Variants in ASTN2 observed in about 807,000 individuals in gnomAD.
ASTN2 encodes astrotactin 2.
A neutral mutation model predicts 139.8 loss-of-function variants in ASTN2; 54 were observed. The observed-to-expected ratio is 0.39, with a 90% CI of 0.31 to 0.48. The LOEUF (loss-of-function observed/expected upper bound fraction) is 0.48. Among genes scored for constraint, ASTN2 ranks in the 20% least tolerant of loss-of-function variants. The pLI, the probability that ASTN2 is intolerant of heterozygous loss-of-function variation, is 0.95. For missense variants in ASTN2, 1,565 were observed against 1,725.1 expected, an observed-to-expected ratio of 0.91 and a Z score of 1.64; for synonymous variants, 756 against 719.5, an observed-to-expected ratio of 1.05 and a Z score of -0.81.
chr9:116,747,829 C>T (rs1170743428), intron 13 of ASTN2, among the ~76,000 whole-genome samples: 26 of 152,126 alleles, frequency 1.7e-4, no homozygotes, highest in Admixed American at 1.7e-3. Context: ...ACCAGTGGCA[C>T]CAAACTCACT....
intron 2 of ASTN2, among the ~76,000 whole-genome samples, chr9:117,222,963 G>A (rs1367711873): frequency 6.6e-6 from 1 of 152,156 alleles, no homozygotes; most frequent in East Asian, 1.9e-4. Context: ...ATTTTCCACT[G>A]GGGGCAATTC....
At position 117,106,792 on chromosome 9, in the gene ASTN2, G is replaced by GTCTA. The variant is rs543570500; in HGVS notation, c.1169-10645_1169-10642dup. Among the ~76,000 whole-genome samples, 621 of 144,376 alleles carry GTCTA rather than the reference G, an allele frequency of 4.3e-3. 2 individuals are homozygous for GTCTA. Among genetic ancestry groups the GTCTA allele is most frequent in the African/African-American group, 0.015 (551 of 37,282 alleles). 94.7% of individuals were successfully genotyped at this position (144,376 alleles called of 152,430 possible). A position where few individuals can be genotyped will look rare whatever the true frequency, so the allele number is the denominator to read the frequency against. On this transcript the variant is annotated intron_variant, in intron 4 of 22. Transcript: ENST00000313400. ...AAAATATCTATCTATCTATCTATCTGTCTATCTATCTATCTATCTATATAC... is the reference window on the plus strand; with the variant it reads ...AAAATATCTATCTATCTATCTATCTGTCTATCTATCTATCTATCTATCTATATAC...
At chr9:116,594,423 A>C (rs1456968881) in intron 19 of ASTN2, among the ~76,000 whole-genome samples, 1 of 152,216 alleles carries the variant, frequency 6.6e-6, no homozygotes, top group Admixed American at 6.5e-5. Flanking sequence ...ATTGTTTGTC[A>C]GCTAGAAATA....
chr9:116,808,585 A>G (rs1479232229), intron 12 of ASTN2, among the ~76,000 whole-genome samples: 1 of 152,206 alleles, frequency 6.6e-6, no homozygotes, highest in African/African-American at 2.4e-5. Context: ...TGGGCACTTT[A>G]GCTGTTTATA....
At chr9:117,232,823 C>T (rs1032007284) in intron 2 of ASTN2, among the ~76,000 whole-genome samples, 4 of 151,832 alleles carry the variant, frequency 2.6e-5, no homozygotes, top group African/African-American at 9.7e-5. Context: ...TCTCTAAAAG[C>T]TTTCACATTT....
chr9:116,870,701 T>C (rs1833139636), intron 10 of ASTN2, among the ~76,000 whole-genome samples: 1 of 152,190 alleles, frequency 6.6e-6, no homozygotes, highest in Non-Finnish European at 1.5e-5. Context: ...ATGCGTCACC[T>C]GGATTCCATT....
intron 11 of ASTN2, among the ~76,000 whole-genome samples, chr9:116,831,289 G>A (rs779678455): frequency 5.3e-5 from 8 of 152,098 alleles, no homozygotes; most frequent in Non-Finnish European, 1.2e-4. Flanking sequence ...TATAATAAAA[G>A]CTCAAACTTC....
chr9:117,287,039 A>T (rs1834466864), intron 2 of ASTN2, among the ~76,000 whole-genome samples: 1 of 152,192 alleles, frequency 6.6e-6, no homozygotes, highest in Non-Finnish European at 1.5e-5. Flanking sequence ...TCTGTAAATG[A>T]AGGGCAACAA....
At chr9:117,060,128 T>C (rs1470060500) in intron 5 of ASTN2, among the ~76,000 whole-genome samples, 1 of 151,720 alleles carries the variant, frequency 6.6e-6, no homozygotes, top group African/African-American at 2.4e-5. Flanking sequence ...CTGGCTAACA[T>C]GGTGAAACCC....
intron 13 of ASTN2, among the ~76,000 whole-genome samples, chr9:116,774,956 T>C (rs1390800737): frequency 6.6e-6 from 1 of 152,180 alleles, no homozygotes; most frequent in Non-Finnish European, 1.5e-5. Context: ...TAAATTGAGA[T>C]TCAGCTAGCT....
chr9:117,006,151 C>T (rs1837348408), intron 7 of ASTN2, among the ~76,000 whole-genome samples: 1 of 152,124 alleles, frequency 6.6e-6, no homozygotes, highest in South Asian at 2.1e-4. Context: ...AACACCCACA[C>T]CCAGCCCCAC....
intron 19 of ASTN2, among the ~76,000 whole-genome samples, chr9:116,507,440 C>A (rs1010489442): frequency 1.3e-5 from 2 of 152,166 alleles, no homozygotes; most frequent in Admixed American, 1.3e-4. Flanking sequence ...AGACTTTCTA[C>A]TGAACTAGAA....
chr9:117,038,873 C>T (rs778694963), intron 6 of ASTN2, among the ~76,000 whole-genome samples: 4 of 152,128 alleles, frequency 2.6e-5, no homozygotes, highest in African/African-American at 9.7e-5. Context: ...TTGCTAATGA[C>T]TATGGTGGCA....
chr9:116,530,624 GTAAC>G (rs1429526725), intron 19 of ASTN2, among the ~76,000 whole-genome samples: 1 of 151,948 alleles, frequency 6.6e-6, no homozygotes, highest in East Asian at 1.9e-4. Context: ...AGAAAAATAA[GTAAC>G]TAAAACAAGA....
At chr9:116,547,989 A>T (rs775678761) in intron 19 of ASTN2, among the ~76,000 whole-genome samples, 1 of 151,780 alleles carries the variant, frequency 6.6e-6, no homozygotes, top group Non-Finnish European at 1.5e-5. Flanking sequence ...ACCTGTCTCC[A>T]CTCCTTGCCT....
At chr9:116,867,298 AAG>A (rs1461104831) in intron 10 of ASTN2, among the ~76,000 whole-genome samples, 2 of 152,060 alleles carry the variant, frequency 1.3e-5, no homozygotes, top group African/African-American at 4.8e-5. Flanking sequence ...AGAGTGAGAA[AAG>A]AGAGCAGGAG....
chr9:116,762,376 CCAAGGAGAACTAA>C (rs2132170030), intron 13 of ASTN2, among the ~76,000 whole-genome samples: 1 of 152,184 alleles, frequency 6.6e-6, no homozygotes, highest in South Asian at 2.1e-4. Context: ...TGCAGGGCCT[CCAAGGAGAACTAA>C]TTTGGATAAT....
intron 4 of ASTN2, among the ~76,000 whole-genome samples, chr9:117,125,318 G>A (rs2132823360): frequency 6.6e-6 from 1 of 152,162 alleles, no homozygotes; most frequent in Admixed American, 6.5e-5. Context: ...TTTGTACAGA[G>A]ACATAAACAA....
chr9:116,914,760 A>G (rs746703923), intron 10 of ASTN2, among the ~76,000 whole-genome samples: 13 of 151,762 alleles, frequency 8.6e-5, no homozygotes, highest in Non-Finnish European at 1.9e-4. Flanking sequence ...CAGTAATGGC[A>G]CCTCCTAAGG....
Sources: allele counts gnomAD v4.1 joint callset (sites outside exome capture counted in the v4.1 genomes callset), GRCh38; gene constraint gnomAD v4.1.1; transcripts MANE v1.5; gene names NCBI Gene and HGNC (gene_info 2026-07-23, HGNC 2026-07-21).